Variants in PCDHB8 observed in about 807,000 individuals in gnomAD.
The protein encoded by PCDHB8 is protocadherin beta 8.
For missense variants in PCDHB8, 836 were observed against 1,004.0 expected (o/e 0.83, Z 2.26); for synonymous variants, 385 against 448.5 (o/e 0.86, Z 1.79).
Position 141,180,087 on chromosome 5 carries a change from G to C in PCDHB8, c.2053G>C (p.Asp685His), listed in dbSNP as rs782654812. 11 of 1,610,236 alleles carry C rather than the reference G, an allele frequency of 6.8e-6. No homozygotes were observed. Among genetic ancestry groups the C allele is most frequent in the Non-Finnish European group, 9.3e-6 (11 of 1,179,828 alleles). Residue 685 changes from aspartate to histidine, a missense_variant, in exon 1 of 1, where the codon GAC becomes CAC. By Grantham distance (81) the Asp-to-His change is moderately conservative. Transcript: ENST00000239444. ...PEAAPAQGQA[D>H]SLTVYLVVAL... ...GGCTGCCCCAGCCCAGGGCCAGGCC[G>C]ACTCTCTCACCGTCTACCTGGTGGT...
rs1250908322 is a variant in PCDHB8 at position 141,179,907 on chromosome 5, G to C, written c.1873G>C (p.Val625Leu). Residue 625 changes from valine (V) to leucine (L), a missense_variant, in exon 1 of 1, where the codon GTG becomes CTG. Physicochemically the swap from Val to Leu is conservative, Grantham distance 32. Transcript: ENST00000239444. ...CGGTGTGTGGGCGCACAATGGCGAG[G>C]TGCGCACCGCCAGGCTGCTGAGCGA... ...LFGVWAHNGE[V>L]RTARLLSERD... 1 of 1,609,384 alleles carries C rather than the reference G, an allele frequency of 6.2e-7. No homozygotes were observed. The highest frequency in any genetic ancestry group is 1.3e-5 in the African/African-American group (1 of 74,868).
In PCDHB8 at chr5:141,179,460, G is replaced by T. The variant is rs200499897; in HGVS notation, c.1426G>T (p.Ala476Ser). The change falls in exon 1 of 1, where the codon GCC (alanine) becomes TCC (serine). Residue 476 changes from alanine (A) to serine (S), a missense_variant. By Grantham distance (99) the Ala-to-Ser change is moderately conservative. Transcript: ENST00000239444. ...CGCCCTGCACATCGGCAGCGTCAGC[G>T]CCACAGACAGAGACTCGGGCACCAA... ...SPALHIGSVS[A>S]TDRDSGTNAQ... 2 of 1,613,914 alleles carry T rather than the reference G, an allele frequency of 1.2e-6. No homozygotes were observed. Among genetic ancestry groups the T allele is most frequent in the East Asian group, 2.2e-5 (1 of 44,876 alleles).
In PCDHB8 at chr5:141,180,346, T is replaced by C; in HGVS notation, c.2312T>C (p.Val771Ala). ...AATGAGTTCCAGCTCCTGAAACCAG[T>C]ATTACCTAATATTCAGGGCCATTCT... The part of the protein sequence containing the change: ...GTNEFQLLKP[V>A]LPNIQGHSFG... The change falls in exon 1 of 1, where the codon GTA (valine) becomes GCA (alanine). Residue 771 changes from valine to alanine, a missense_variant. Transcript: ENST00000239444. The C allele has an allele frequency of 6.2e-7, 1 of 1,614,132 alleles. No individual in the cohort carries two copies.
Position 141,178,002 on chromosome 5 carries a change from C to A in PCDHB8, c.-33C>A. The A allele has an allele frequency of 6.2e-7, 1 of 1,613,786 alleles. No homozygotes were observed. The highest frequency in any genetic ancestry group is 8.5e-7 in the Non-Finnish European group (1 of 1,179,936). ...TGGGGACTTTACAGTCCCACAGAAC[C>A]GTCCTCCCAGGAAGCTGAATTCAGC... On this transcript the variant is annotated 5_prime_UTR_variant, in exon 1 of 1. Coordinates refer to ENST00000239444, the MANE Select transcript of PCDHB8 (RefSeq NM_019120.5).
Position 141,178,855 on chromosome 5 carries a change from T to A in PCDHB8, c.821T>A (p.Val274Asp). ...KVSATDVDTG[V>D]NGEISYSLFQ... ...TCTGCCACGGATGTAGACACAGGAGTCAACGGAGAGATTTCCTATTCACTT... is the reference window on the plus strand; with the variant it reads ...TCTGCCACGGATGTAGACACAGGAGACAACGGAGAGATTTCCTATTCACTT... The change falls in exon 1 of 1, where the codon GTC becomes GAC. Residue 274 changes from valine to aspartate, a missense_variant. Physicochemically the swap from Val to Asp is radical, Grantham distance 152. Coordinates refer to ENST00000239444, the MANE Select transcript of PCDHB8 (RefSeq NM_019120.5). 1 of 1,614,134 alleles carries A rather than the reference T, an allele frequency of 6.2e-7. No homozygotes were observed. Among genetic ancestry groups the A allele is most frequent in the Non-Finnish European group, 8.5e-7 (1 of 1,180,022 alleles).
At position 141,178,706 on chromosome 5, in the gene PCDHB8, T is replaced by C; in HGVS notation, c.672T>C (p.Ser224=). The C allele has an allele frequency of 6.3e-7, 1 of 1,591,602 alleles. No homozygotes were observed. Among genetic ancestry groups the C allele is most frequent in the Non-Finnish European group, 8.6e-7 (1 of 1,161,688 alleles). Residue 224 remains serine, a synonymous_variant, in exon 1 of 1, where the codon TCT becomes TCC. Coordinates refer to ENST00000239444, the MANE Select transcript of PCDHB8 (RefSeq NM_019120.5). ...TALDGGSPPR[S]GTAQVYIEVV... is the part of the protein sequence containing the mutation. ...TGGATGGTGGCTCTCCGCCCAGATC[T>C]GGCACTGCTCAGGTCTACATTGAAG...
chr5:141,178,373 T>C lies in PCDHB8; in HGVS notation c.339T>C (p.Ser113=). The C allele has an allele frequency of 6.3e-7, 1 of 1,578,004 alleles. No individual in the cohort carries two copies. Among genetic ancestry groups the C allele is most frequent in the Non-Finnish European group, 8.7e-7 (1 of 1,152,134 alleles). Residue 113 remains serine (S), a synonymous_variant, in exon 1 of 1, where the codon AGT becomes AGC. Transcript: ENST00000239444. ...TACGTTTCCAAGTGTTGCTAGAGAG[T>C]CCCTTCGAGTTTTTTCAAGCTGAGC... is the stretch of plus-strand genomic sequence containing the variant. ...CVLRFQVLLE[S]PFEFFQAELQ...
Position 141,179,873 on chromosome 5 carries a change from C to G in PCDHB8, c.1839C>G (p.Pro613=), listed in dbSNP as rs782628632. 1.2e-6 allele frequency: 2 copies of G among 1,609,660 alleles called. No homozygotes were observed. The highest frequency in any genetic ancestry group is 3.3e-5 in the Admixed American group (2 of 59,976). ...ACCAGCTGCTCAAGGCCACGGAGCC[C>G]GGGCTGTTCGGTGTGTGGGCGCACA... is the stretch of plus-strand genomic sequence containing the variant. ...LSYQLLKATE[P]GLFGVWAHNG... Residue 613 remains proline, a synonymous_variant, in exon 1 of 1, where the codon CCC becomes CCG. Transcript: ENST00000239444.
Position 141,180,533 on chromosome 5 carries a change from GC to G in PCDHB8, c.*96del. The stretch of plus-strand genomic sequence containing the variant: ...ATAAATTTTAAATTACACTACATTT[GC>G]CCATAGTATTTGTCTTGTTTTCACT... On this transcript the variant is annotated 3_prime_UTR_variant, in exon 1 of 1. Transcript: ENST00000239444. 1 of 984,028 alleles carries G rather than the reference GC, an allele frequency of 1.0e-6. No individual in the cohort carries two copies. Among genetic ancestry groups the G allele is most frequent in the Non-Finnish European group, 1.4e-6 (1 of 695,562 alleles). The allele number at this position is 984,028 out of a possible 1,614,324, so 61.0% of individuals were successfully genotyped here.
rs1753499415 is a variant in PCDHB8 at position 141,179,784 on chromosome 5, G to T, written c.1750G>T (p.Gly584Cys). 1 of 1,610,666 alleles carries T rather than the reference G, an allele frequency of 6.2e-7. No individual in the cohort carries two copies. Among genetic ancestry groups the T allele is most frequent in the South Asian group, 1.1e-5 (1 of 90,946 alleles). ...TELVPRAAEP[G>C]YLVTKVVAVD... ...GCTGGTGCCCCGGGCGGCCGAGCCG[G>T]GCTACCTGGTGACCAAGGTGGTGGC... Residue 584 changes from glycine to cysteine, a missense_variant, in exon 1 of 1, where the codon GGC becomes TGC. Physicochemically the swap from Gly to Cys is radical, Grantham distance 159. Coordinates refer to ENST00000239444, the MANE Select transcript of PCDHB8 (RefSeq NM_019120.5).
rs149605278 is a variant in PCDHB8 at position 141,179,061 on chromosome 5, G to A, written c.1027G>A (p.Asp343Asn). ...TVLIQVIDVN[D>N]HAPEVTMSAF... ...TCTGATTCAAGTGATAGATGTGAAC[G>A]ACCATGCCCCAGAAGTTACCATGTC... The change falls in exon 1 of 1, where the codon GAC (aspartate) becomes AAC (asparagine). Residue 343 changes from aspartate to asparagine, a missense_variant. Asp to Asn is a conservative substitution (Grantham distance 23). Transcript: ENST00000239444. 3.5e-5 allele frequency: 56 copies of A among 1,614,028 alleles called. No individual in the cohort carries two copies. The highest frequency in any genetic ancestry group is 3.3e-4 in the Middle Eastern group (2 of 6,084).
rs61741184 is a variant in PCDHB8 at position 141,179,657 on chromosome 5, T to G, written c.1623T>G (p.Ala541=). The G allele has an allele frequency of 4.7e-5, 75 of 1,612,288 alleles. No homozygotes were observed. The highest frequency in any genetic ancestry group is 4.0e-4 in the Middle Eastern group (2 of 5,032). ...GCGCTTCAGACCGCGGCTCCCCGGC[T>G]TTGAGCAGCGAGGCGCTGGTGCGCG... ...RVGASDRGSP[A]LSSEALVRVL... The change falls in exon 1 of 1, where the codon GCT becomes GCG. Residue 541 remains alanine (A), a synonymous_variant. Coordinates refer to ENST00000239444, the MANE Select transcript of PCDHB8 (RefSeq NM_019120.5).
Position 141,180,397 on chromosome 5 carries a change from C to G in PCDHB8, c.2363C>G (p.Ser788Cys), listed in dbSNP as rs782684571. The change falls in exon 1 of 1, where the codon TCT (serine) becomes TGT (cysteine). Residue 788 changes from serine (S) to cysteine (C), a missense_variant. By Grantham distance (112) the Ser-to-Cys change is moderately radical (BLOSUM62 -1). Coordinates refer to ENST00000239444, the MANE Select transcript of PCDHB8 (RefSeq NM_019120.5). ...TTTGGGCCAGAAATGGAACAAAACT[C>G]TAACTTTAGGAATGGCTTTGGTTTC... Reference protein sequence around the residue: ...HSFGPEMEQNSNFRNGFGFSL... With the variant: ...HSFGPEMEQNCNFRNGFGFSL... 2.5e-6 allele frequency: 4 copies of G among 1,605,580 alleles called. No individual in the cohort carries two copies. Among genetic ancestry groups the G allele is most frequent in the Non-Finnish European group, 2.6e-6 (3 of 1,173,098 alleles).
rs200926162 is a variant in PCDHB8, at chr5:141,180,198, T to C, written c.2164T>C (p.Ser722Pro). The C allele has an allele frequency of 1.2e-4, 201 of 1,612,832 alleles. No individual in the cohort carries two copies. Among genetic ancestry groups the C allele is most frequent in the East Asian group, 8.9e-5 (4 of 44,862 alleles). Residue 722 changes from serine to proline, a missense_variant, in exon 1 of 1, where the codon TCG (serine) becomes CCG (proline). By Grantham distance (74) the Ser-to-Pro change is moderately conservative. Coordinates refer to ENST00000239444, the MANE Select transcript of PCDHB8 (RefSeq NM_019120.5). ...GCTGTGTAGGAGGAGCAGGGCGGCCTCGGTGGGTCGCTGCTCAGTGCCTGA... is the reference window on the plus strand; with the variant it reads ...GCTGTGTAGGAGGAGCAGGGCGGCCCCGGTGGGTCGCTGCTCAGTGCCTGA... The part of the protein sequence containing the change: ...VLLCRRSRAA[S>P]VGRCSVPEGP...
In PCDHB8 at chr5:141,180,507, C is replaced by A. The variant is rs915659713; in HGVS notation, c.*67C>A. Reference sequence around the variant, plus strand: ...AAGGAATGGTTTTCTGTCAACTTAGCATAAATTTTAAATTACACTACATTT... The same window carrying A: ...AAGGAATGGTTTTCTGTCAACTTAGAATAAATTTTAAATTACACTACATTT... On this transcript the variant is annotated 3_prime_UTR_variant, in exon 1 of 1. Coordinates refer to ENST00000239444, the MANE Select transcript of PCDHB8 (RefSeq NM_019120.5). The A allele has an allele frequency of 1.6e-6, 2 of 1,233,304 alleles. No individual in the cohort carries two copies. 76.4% of individuals were successfully genotyped at this position (1,233,304 alleles called of 1,614,324 possible). A position where few individuals can be genotyped will look rare whatever the true frequency, so the allele number is the denominator to read the frequency against.
At position 141,178,992 on chromosome 5, in the gene PCDHB8, A is replaced by G. The variant is rs1554281069; in HGVS notation, c.958A>G (p.Ile320Val). 6.8e-6 allele frequency: 11 copies of G among 1,614,218 alleles called. No individual in the cohort carries two copies. The highest frequency in any genetic ancestry group is 3.3e-5 in the Admixed American group (2 of 60,028). Residue 320 changes from isoleucine (I) to valine (V), a missense_variant, in exon 1 of 1, where the codon ATC becomes GTC. By Grantham distance (29) the Ile-to-Val change is conservative. Transcript: ENST00000239444. ...AAAATTTCAGTCCTATGAAGTCAAT[A>G]TCGAGGCGAGAGATGCTGGAGGCTT... Reference protein sequence around the residue: ...FEKFQSYEVNIEARDAGGFSG... With the variant: ...FEKFQSYEVNVEARDAGGFSG...
At position 141,179,584 on chromosome 5, in the gene PCDHB8, T is replaced by C; in HGVS notation, c.1550T>C (p.Leu517Pro). Residue 517 changes from leucine (L) to proline (P), a missense_variant, in exon 1 of 1, where the codon CTC becomes CCC. Coordinates refer to ENST00000239444, the MANE Select transcript of PCDHB8 (RefSeq NM_019120.5). ...ACAGACAACGGCCACCTGTTCGCCC[T>C]CAGGTCGCTGGACTACGAGGCCCTG... ...INTDNGHLFA[L>P]RSLDYEALQA... is the part of the protein sequence containing the mutation. 6.2e-7 allele frequency: 1 copy of C among 1,613,680 alleles called. No homozygotes were observed. Among genetic ancestry groups the C allele is most frequent in the Non-Finnish European group, 8.5e-7 (1 of 1,179,994 alleles).
In PCDHB8 at chr5:141,178,769, G is replaced by A. The variant is rs1331530147; in HGVS notation, c.735G>A (p.Gln245=). 1 of 1,613,870 alleles carries A rather than the reference G, an allele frequency of 6.2e-7. No homozygotes were observed. Among genetic ancestry groups the A allele is most frequent in the Non-Finnish European group, 8.5e-7 (1 of 1,179,944 alleles). The change falls in exon 1 of 1, where the codon CAG becomes CAA. Residue 245 remains glutamine, a synonymous_variant. Coordinates refer to ENST00000239444, the MANE Select transcript of PCDHB8 (RefSeq NM_019120.5). ...ATGATAATGCCCCTGAATTTGAGCAGCCTTTCTATAGGGTGCAGATCTCTG... is the reference window on the plus strand; with the variant it reads ...ATGATAATGCCCCTGAATTTGAGCAACCTTTCTATAGGGTGCAGATCTCTG... ...DVNDNAPEFE[Q]PFYRVQISED... is the part of the protein sequence containing the mutation.
rs782820545 is a variant in PCDHB8, at chr5:141,180,344, AGTAT to A, written c.2311_2314del (p.Val771TyrfsTer29). ...CGAATGAGTTCCAGCTCCTGAAACCAGTATTACCTAATATTCAGGGCCATTCTTT... is the reference window on the plus strand; with the variant it reads ...CGAATGAGTTCCAGCTCCTGAAACCATACCTAATATTCAGGGCCATTCTTT... On this transcript the variant is annotated frameshift_variant, in exon 1 of 1. Transcript: ENST00000239444. LOFTEE classifies it low-confidence loss of function (END_TRUNC). The A allele has an allele frequency of 1.2e-6, 2 of 1,614,172 alleles. No individual in the cohort carries two copies. The highest frequency in any genetic ancestry group is 1.7e-6 in the Non-Finnish European group (2 of 1,180,034).
Sources: gnomAD v4.1 joint callset for allele counts on GRCh38, gnomAD v4.1.1 for gene constraint, MANE v1.5 for transcripts, NCBI Gene and HGNC (gene_info 2026-07-23, HGNC 2026-07-21) for gene names.